Variants in OPCML observed in about 807,000 individuals in gnomAD.
OPCML encodes opioid-binding protein/cell adhesion molecule.
In OPCML, 13 loss-of-function variants were observed where a neutral mutation model predicts 37.8. That is an observed-to-expected ratio of 0.34 (90% CI 0.22 to 0.55). OPCML has a LOEUF of 0.55. Ranked by LOEUF, OPCML falls within the 20% of genes least tolerant of loss-of-function variation. OPCML has a pLI of 0.91. For synonymous variants in OPCML, 176 were observed against 168.8 expected, an observed-to-expected ratio of 1.04 and a Z score of -0.33; for missense variants, 341 against 435.6, an observed-to-expected ratio of 0.78 and a Z score of 1.93.
chr11:133,184,382 G>A (rs1937976486), intron 1 of OPCML, among the ~76,000 whole-genome samples: 1 of 152,114 alleles, frequency 6.6e-6, no homozygotes, highest in South Asian at 2.1e-4. Context: ...AGTGGCCTTT[G>A]AGCTCTCAAC....
At chr11:132,931,764 A>G (rs1945210831) in intron 2 of OPCML, among the ~76,000 whole-genome samples, 1 of 152,238 alleles carries the variant, frequency 6.6e-6, no homozygotes, top group South Asian at 2.1e-4. Context: ...CCTCAAAAAA[A>G]TTAAACATAC....
chr11:132,857,518 A>T (rs1942104260), intron 2 of OPCML, among the ~76,000 whole-genome samples: 1 of 152,220 alleles, frequency 6.6e-6, no homozygotes, highest in Non-Finnish European at 1.5e-5. Context: ...ACTATCACAC[A>T]ATCTATGAAA....
At chr11:133,420,819 C>T in intron 1 of OPCML, 1 of 985,416 alleles carries the variant, frequency 1.0e-6, no homozygotes, top group Non-Finnish European at 1.2e-6. Flanking sequence ...CTAGAAGGAA[C>T]ATCGGGAGAT....
chr11:132,657,033 T>A, intron 3 of OPCML, 54 bp downstream of exon 3: 1 of 1,589,948 alleles, frequency 6.3e-7, no homozygotes, highest in East Asian at 2.2e-5. Flanking sequence ...CCAACACTGT[T>A]CTTCCCCTCC....
At chr11:133,291,612 C>T (rs1942476512) in intron 1 of OPCML, among the ~76,000 whole-genome samples, 1 of 152,210 alleles carries the variant, frequency 6.6e-6, no homozygotes, top group Non-Finnish European at 1.5e-5. Flanking sequence ...TATTCCATCT[C>T]CCCACACTCT....
intron 2 of OPCML, among the ~76,000 whole-genome samples, chr11:132,710,688 C>CA (rs11340177): frequency 0.044 from 5,996 of 135,250 alleles, 237 homozygotes; most frequent in African/African-American, 0.11. Context: ...CTAAAAAATA[C>CA]AAAAAAAAAA....
At position 133,212,451 on chromosome 11, in the gene OPCML, T is replaced by C. The variant is rs1365055246; in HGVS notation, c.62-269441A>G. 1.3e-4 allele frequency among the ~76,000 whole-genome samples: 20 copies of C among 152,194 alleles called. No homozygotes were observed. Among genetic ancestry groups the C allele is most frequent in the Admixed American group, 1.3e-3 (20 of 15,272 alleles). On this transcript the variant is annotated intron_variant, in intron 1 of 7. Coordinates refer to ENST00000524381, the MANE Select transcript of OPCML (RefSeq NM_001012393.5). The surrounding 1 kb of genome is among the most constrained non-coding windows in gnomAD (Gnocchi z 4.9). ...CACTTCCTGGAAAGCTCTTTCCCCA[T>C]GCCTGGTCAACCCCTCACCTTCCTC... is the stretch of plus-strand genomic sequence containing the variant.
At chr11:132,638,624 T>A (rs549996530) in intron 3 of OPCML, among the ~76,000 whole-genome samples, 19 of 152,292 alleles carry the variant, frequency 1.2e-4, no homozygotes, top group African/African-American at 4.1e-4. Flanking sequence ...AACCTCTGAT[T>A]GGCCTTTTGA....
chr11:132,512,563 G>A (rs1032027625), intron 4 of OPCML, among the ~76,000 whole-genome samples: 2 of 151,906 alleles, frequency 1.3e-5, no homozygotes. Flanking sequence ...CTCAAAAGGT[G>A]AGTGAAGAAA....
At chr11:133,105,981 TA>T (rs56351919) in intron 1 of OPCML, among the ~76,000 whole-genome samples, 12,266 of 92,936 alleles carry the variant, frequency 0.13, 569 homozygotes, top group Middle Eastern at 0.16. Context: ...GACTCCATCT[TA>T]AAAATAAAAA....
intron 1 of OPCML, chr11:133,068,194 C>T (rs778349173): frequency 2.0e-5 from 3 of 152,194 alleles, no homozygotes; most frequent in Non-Finnish European, 4.4e-5. Flanking sequence ...TTTCCTTAAG[C>T]CAAAACTCTG....
chr11:133,239,657 C>T (rs868866883), intron 1 of OPCML, among the ~76,000 whole-genome samples: 6 of 152,186 alleles, frequency 3.9e-5, no homozygotes, highest in South Asian at 2.1e-4. Flanking sequence ...AAAGCCATGG[C>T]GCGGTGTGAC....
chr11:132,850,202 C>T (rs1420588204), intron 2 of OPCML, among the ~76,000 whole-genome samples: 2 of 152,182 alleles, frequency 1.3e-5, no homozygotes, highest in African/African-American at 4.8e-5. Context: ...CTGTGTCCAT[C>T]AGGATGTGCA....
chr11:133,494,507 G>A (rs572894294), intron 1 of OPCML, among the ~76,000 whole-genome samples: 1 of 148,768 alleles, frequency 6.7e-6, no homozygotes, highest in Non-Finnish European at 1.5e-5. Context: ...TTAAGAAAAT[G>A]TGGCACATAT....
chr11:132,479,266 C>T (rs952576775), intron 4 of OPCML, among the ~76,000 whole-genome samples: 12 of 152,262 alleles, frequency 7.9e-5, no homozygotes, highest in East Asian at 5.8e-4. Context: ...GGGTGACAGA[C>T]GGCACCTGGA....
chr11:133,130,123 C>G (rs529521433), intron 1 of OPCML, among the ~76,000 whole-genome samples: 1 of 151,738 alleles, frequency 6.6e-6, no homozygotes, highest in African/African-American at 2.4e-5. Flanking sequence ...TCATCTAAGC[C>G]ATACTTCCAG....
At chr11:133,264,941 G>A (rs1361752070) in intron 1 of OPCML, among the ~76,000 whole-genome samples, 2 of 152,164 alleles carry the variant, frequency 1.3e-5, no homozygotes, top group African/African-American at 4.8e-5. Context: ...CAGGTTTAGT[G>A]GTTTTGTCTG....
chr11:132,638,783 C>T (rs989549656), intron 3 of OPCML, among the ~76,000 whole-genome samples: 2 of 152,162 alleles, frequency 1.3e-5, no homozygotes, highest in Admixed American at 1.3e-4. Flanking sequence ...AACCAACCAA[C>T]ACTCCCATTC....
intron 1 of OPCML, among the ~76,000 whole-genome samples, chr11:133,082,988 G>C (rs1016666699): frequency 6.6e-6 from 1 of 151,218 alleles, no homozygotes; most frequent in Non-Finnish European, 1.5e-5. Context: ...GGCCGCCAGA[G>C]GGCGCCCGTC....
Sources: gnomAD v4.1 joint callset for allele counts (sites outside exome capture counted in the v4.1 genomes callset) on GRCh38, gnomAD v4.1.1 for gene constraint, Gnocchi (gnomAD v3.1) non-coding constraint, MANE v1.5 for transcripts, NCBI Gene and HGNC (gene_info 2026-07-23, HGNC 2026-07-21) for gene names.